Variants in MOB3B observed in about 807,000 individuals in gnomAD.
MOB3B encodes MOB kinase activator 3B.
A neutral mutation model predicts 18.7 loss-of-function variants in MOB3B; 7 were observed. That is an observed-to-expected ratio of 0.37 (90% CI 0.21 to 0.70). The LOEUF is 0.70. Ranked by LOEUF, MOB3B falls within the 30% of genes least tolerant of loss-of-function variation. MOB3B has a pLI of 0.52. For synonymous variants in MOB3B, 111 were observed against 99.9 expected (o/e 1.11, Z -0.66); for missense variants, 253 against 281.3 (o/e 0.90, Z 0.72).
intron 1 of MOB3B, among the ~76,000 whole-genome samples, chr9:27,496,951 A>G (rs978453040): frequency 1.3e-5 from 2 of 152,194 alleles, no homozygotes; most frequent in Admixed American, 6.5e-5. Context: ...GTTAATTAAA[A>G]CGATGGTTAA....
At chr9:27,359,413 C>A (rs1821242264) in intron 2 of MOB3B, among the ~76,000 whole-genome samples, 177 bp from the exon 3 acceptor site, 2 of 151,012 alleles carry the variant, frequency 1.3e-5, no homozygotes, top group Non-Finnish European at 1.5e-5. Context: ...TAGAAAGCAC[C>A]TTCCACCTCC....
At chr9:27,379,500 C>T (rs1821542892) in intron 2 of MOB3B, among the ~76,000 whole-genome samples, 1 of 152,092 alleles carries the variant, frequency 6.6e-6, no homozygotes, top group Non-Finnish European at 1.5e-5. Context: ...ACCATCATCC[C>T]CTGTTCACAG....
intron 2 of MOB3B, among the ~76,000 whole-genome samples, chr9:27,446,436 T>A (rs966510647): frequency 1.3e-5 from 2 of 152,206 alleles, no homozygotes; most frequent in Admixed American, 6.5e-5. Flanking sequence ...TAGAGACTCC[T>A]TCCTGATTCT....
At position 27,455,458 on chromosome 9, in the gene MOB3B, G is replaced by C; in HGVS notation, c.93C>G (p.His31Gln). The change falls in exon 2 of 4, where the codon CAC (histidine) becomes CAG (glutamine). Residue 31 changes from histidine (H) to glutamine (Q), a missense_variant. Physicochemically the swap from His to Gln is conservative, Grantham distance 24 (BLOSUM62 0). Transcript: ENST00000262244. Reference sequence around the variant, plus strand: ...AGTTGAGGGATGCCTGAGCCCGTTTGTGCAGCTCAAACCTCTGTGTGCCAG... The same window carrying C: ...AGTTGAGGGATGCCTGAGCCCGTTTCTGCAGCTCAAACCTCTGTGTGCCAG... ...FEPGTQRFEL[H>Q]KRAQASLNSG... The C allele has an allele frequency of 6.2e-7, 1 of 1,614,262 alleles. No individual in the cohort carries two copies.
intron 1 of MOB3B, among the ~76,000 whole-genome samples, chr9:27,527,225 C>T (rs758284530): frequency 2.0e-5 from 3 of 152,120 alleles, no homozygotes; most frequent in Non-Finnish European, 2.9e-5. Flanking sequence ...TTAATGATGC[C>T]TTTGGGTACT....
chr9:27,520,788 C>T (rs1037363822), intron 1 of MOB3B, among the ~76,000 whole-genome samples: 1 of 152,154 alleles, frequency 6.6e-6, no homozygotes, highest in Non-Finnish European at 1.5e-5. Flanking sequence ...GGGGATGTCA[C>T]GTCTGAGCTC....
At chr9:27,462,519 G>A (rs146361822) in intron 1 of MOB3B, among the ~76,000 whole-genome samples, 16 of 152,234 alleles carry the variant, frequency 1.1e-4, no homozygotes, top group East Asian at 7.7e-4. Flanking sequence ...AACCTTGAAC[G>A]GATATTGAGA....
At position 27,330,516 on chromosome 9, in the gene MOB3B, G is replaced by A. The variant is rs3739530; in HGVS notation, c.*71C>T. On this transcript the variant is annotated 3_prime_UTR_variant, in exon 4 of 4. Transcript: ENST00000262244. ...TAGGTGTGTCATTTCAGCCAGGGTG[G>A]TCCACCTCCTGCCCGCTCAGGGCAC... is the stretch of plus-strand genomic sequence containing the variant. The A allele has an allele frequency of 0.13, 206,970 of 1,605,352 alleles. 15,351 individuals are homozygous for A. The highest frequency in any genetic ancestry group is 0.31 in the African/African-American group (23,306 of 74,750).
chr9:27,426,492 C>A (rs1015452091), intron 2 of MOB3B, among the ~76,000 whole-genome samples: 2 of 152,134 alleles, frequency 1.3e-5, no homozygotes, highest in African/African-American at 4.8e-5. Flanking sequence ...GGCAGGTGAC[C>A]AAGCTACTGT....
At chr9:27,427,346 C>T (rs1247407758) in intron 2 of MOB3B, among the ~76,000 whole-genome samples, 2 of 152,248 alleles carry the variant, frequency 1.3e-5, no homozygotes, top group South Asian at 4.1e-4. Context: ...GAAATGCAAG[C>T]AGGCATGAAC....
intron 3 of MOB3B, among the ~76,000 whole-genome samples, chr9:27,343,206 G>A (rs1033199008): frequency 6.6e-6 from 1 of 151,474 alleles, no homozygotes; most frequent in Non-Finnish European, 1.5e-5. Context: ...AACATGTGCT[G>A]TGTCCACTCA....
At chr9:27,386,915 C>T (rs768443927) in intron 2 of MOB3B, among the ~76,000 whole-genome samples, 5 of 152,176 alleles carry the variant, frequency 3.3e-5, no homozygotes, top group Non-Finnish European at 7.3e-5. Flanking sequence ...GGCATGTGAA[C>T]GCAGCACACC....
rs746279677 is a variant in MOB3B, at chr9:27,455,473, C to G, written c.78G>C (p.Gln26His). The change falls in exon 2 of 4, where the codon CAG becomes CAC. Residue 26 changes from glutamine (Q) to histidine (H), a missense_variant. Coordinates refer to ENST00000262244, the MANE Select transcript of MOB3B (RefSeq NM_024761.5). ...RPKRKFEPGT[Q>H]RFELHKRAQA... ...GAGCCCGTTTGTGCAGCTCAAACCT[C>G]TGTGTGCCAGGTTCAAATTTCCTCT... 6.2e-7 allele frequency: 1 copy of G among 1,614,236 alleles called. No individual in the cohort carries two copies. Among genetic ancestry groups the G allele is most frequent in the East Asian group, 2.2e-5 (1 of 44,874 alleles).
Position 27,453,536 on chromosome 9 carries a change from A to G in MOB3B, c.418+1597T>C, listed in dbSNP as rs558628037. Among the ~76,000 whole-genome samples the G allele has an allele frequency of 2.0e-5, 3 of 152,270 alleles. No individual in the cohort carries two copies. In the East Asian group the frequency reaches 5.8e-4, roughly 29 times the overall value. ...TTCCAAGCAAAGCCCAAAACCACCT[A>G]TGATGTCCTGTTTTCCAGCCAGACA... On this transcript the variant is annotated intron_variant, in intron 2 of 3. Coordinates refer to ENST00000262244, the MANE Select transcript of MOB3B (RefSeq NM_024761.5).
intron 3 of MOB3B, among the ~76,000 whole-genome samples, chr9:27,337,567 C>A (rs1174529305): frequency 1.3e-5 from 2 of 152,224 alleles, no homozygotes; most frequent in African/African-American, 4.8e-5. Flanking sequence ...CAAGATCTAA[C>A]CCACTTATAG....
chr9:27,505,265 A>G (rs1001080703), intron 1 of MOB3B, among the ~76,000 whole-genome samples: 11 of 152,128 alleles, frequency 7.2e-5, no homozygotes, highest in African/African-American at 2.7e-4. Context: ...GCCTGCAAAC[A>G]TCTGTGTCCG....
At chr9:27,454,599 G>A (rs928108550) in intron 2 of MOB3B, among the ~76,000 whole-genome samples, 12 of 152,296 alleles carry the variant, frequency 7.9e-5, no homozygotes, top group East Asian at 1.9e-4. Flanking sequence ...CAGAAGATAC[G>A]CAAGGGTTAA....
rs114870942 is a variant in MOB3B at position 27,371,490 on chromosome 9, C to A, written c.419-12254G>T. Reference sequence around the variant, plus strand: ...CATTGCATTTGCATGTAAGATCCCGCGAAGGTAAGTTGAAGGGATAGGGAA... The same window carrying A: ...CATTGCATTTGCATGTAAGATCCCGAGAAGGTAAGTTGAAGGGATAGGGAA... On this transcript the variant is annotated intron_variant, in intron 2 of 3. Coordinates refer to ENST00000262244, the MANE Select transcript of MOB3B (RefSeq NM_024761.5). 7.0e-3 allele frequency among the ~76,000 whole-genome samples: 1,058 copies of A among 152,112 alleles called. 18 individuals carry two copies. Among genetic ancestry groups the A allele is most frequent in the African/African-American group, 0.024 (994 of 41,472 alleles).
chr9:27,351,127 T>C (rs1197011551), intron 3 of MOB3B, among the ~76,000 whole-genome samples: 3 of 152,146 alleles, frequency 2.0e-5, no homozygotes, highest in African/African-American at 7.2e-5. Context: ...GGTCTGGAAC[T>C]CCTGACCTCA....
Sources: gnomAD v4.1 joint callset for allele counts (sites outside exome capture counted in the v4.1 genomes callset) on GRCh38, gnomAD v4.1.1 for gene constraint, MANE v1.5 for transcripts, NCBI Gene and HGNC (gene_info 2026-07-23, HGNC 2026-07-21) for gene names.